C14orf39: variants seen among roughly 807,000 people sequenced by gnomAD.
C14orf39 encodes chromosome 14 open reading frame 39, also known as protein SIX6OS1.
C14orf39 carries 66 observed loss-of-function variants against 85.6 expected under a neutral mutation model. That is an observed-to-expected ratio of 0.77 (90% confidence interval 0.63 to 0.95). The LOEUF is 0.95. Ranked by LOEUF, C14orf39 falls within the 40% of genes least tolerant of loss-of-function variation. C14orf39 has a pLI of 0.00. For synonymous variants in C14orf39, 242 were observed against 214.0 expected (o/e 1.13, Z -1.14); for missense variants, 735 against 663.9 (o/e 1.11, Z -1.18).
intron 16 of C14orf39, among the ~76,000 whole-genome samples, chr14:60,443,408 C>A (rs2140025047): frequency 6.6e-6 from 1 of 152,310 alleles, no homozygotes; most frequent in Non-Finnish European, 1.5e-5. Context: ...GCCCAAGGAG[C>A]CTTGCTCACT....
At chr14:60,455,709 C>A (rs980178380) in intron 15 of C14orf39, among the ~76,000 whole-genome samples, 2 of 152,082 alleles carry the variant, frequency 1.3e-5, no homozygotes, top group Non-Finnish European at 2.9e-5. Context: ...GCTTAAATTT[C>A]TATTCTAATG....
In C14orf39 at chr14:60,496,171, C is replaced by T. The variant is rs1048379022; in HGVS notation, c.-9+3125G>A. 81 of 464,148 alleles carry T rather than the reference C, an allele frequency of 1.7e-4. 1 individual carries two copies. The highest frequency in any genetic ancestry group is 1.3e-3 in the African/African-American group (66 of 50,650). The allele number at this position is 464,148 out of a possible 1,614,324, so 28.8% of individuals were successfully genotyped here. On this transcript the variant is annotated intron_variant, in intron 2 of 5. Transcript: ENST00000556799. Reference sequence around the variant, plus strand: ...AAGTTCTATAGAGTATCACACTCCTCCCCTGATGTGAGTACAGGAGATTCA... The same window carrying T: ...AAGTTCTATAGAGTATCACACTCCTTCCCTGATGTGAGTACAGGAGATTCA...
chr14:60,487,626 T>G (rs544312123), upstream of C14orf39, among the ~76,000 whole-genome samples: 1 of 152,184 alleles, frequency 6.6e-6, no homozygotes, highest in Non-Finnish European at 1.5e-5. Flanking sequence ...AGTGATTTTA[T>G]ATTCTTTGGA....
Position 60,509,948 on chromosome 14 carries a change from C to G in C14orf39, c.-144+5447G>C, listed in dbSNP as rs769430744. 28 of 1,606,836 alleles carry G rather than the reference C, an allele frequency of 1.7e-5. No individual in the cohort carries two copies. The highest frequency in any genetic ancestry group is 1.6e-5 in the Non-Finnish European group (19 of 1,176,428). On this transcript the variant is annotated intron_variant, in intron 1 of 5. Transcript: ENST00000556799. ...GTTCAAAAACCGCCGACAAAGGGAC[C>G]GAGCGGCTGCAGCCAAGAACAGGTC...
At chr14:60,450,413 A>AG (rs1417520748) in intron 16 of C14orf39, among the ~76,000 whole-genome samples, 2 of 152,164 alleles carry the variant, frequency 1.3e-5, no homozygotes, top group Admixed American at 1.3e-4. Flanking sequence ...TGGGGGCCAC[A>AG]GGGAGAGGCT....
Position 60,491,453 on chromosome 14 carries a change from A to T in C14orf39, c.-8-6367T>A, listed in dbSNP as rs1892987103. ...GAATTGTGGAGGGACACAAACATTCAAACCACAGCACAAGCTCAAACACAG... is the reference window on the plus strand; with the variant it reads ...GAATTGTGGAGGGACACAAACATTCTAACCACAGCACAAGCTCAAACACAG... On this transcript the variant is annotated intron_variant, in intron 2 of 5. Transcript: ENST00000556799. This position sits in a 1 kb window ranked among gnomAD's most constrained non-coding sequence, Gnocchi z 4.5. 6.6e-6 allele frequency among the ~76,000 whole-genome samples: 1 copy of T among 152,190 alleles called. No homozygotes were observed. The highest frequency in any genetic ancestry group is 1.5e-5 in the Non-Finnish European group (1 of 68,038).
intron 3 of C14orf39, 100 bp from the exon 4 acceptor site, chr14:60,483,917 G>C: frequency 2.6e-6 from 2 of 756,964 alleles, no homozygotes; most frequent in Non-Finnish European, 4.1e-6. Context: ...CTAAAAGGAA[G>C]AGAGCCAGAG....
At chr14:60,459,994 T>C (rs1296245404) in intron 13 of C14orf39, among the ~76,000 whole-genome samples, 1 of 151,764 alleles carries the variant, frequency 6.6e-6, no homozygotes, top group African/African-American at 2.4e-5. Context: ...GATTGGACTT[T>C]TTAATGCTTG....
intron 5 of C14orf39, among the ~76,000 whole-genome samples, chr14:60,472,109 G>C (rs776885059): frequency 1.3e-5 from 2 of 151,948 alleles, no homozygotes; most frequent in Non-Finnish European, 2.9e-5. Context: ...ACTCCTTGTG[G>C]AACCTCTATC....
At chr14:60,481,761 TG>T (rs1483898391) in intron 4 of C14orf39, among the ~76,000 whole-genome samples, 1 of 152,194 alleles carries the variant, frequency 6.6e-6, no homozygotes, top group Non-Finnish European at 1.5e-5. Flanking sequence ...TTTTTCATTT[TG>T]GTATTTACCC....
At chr14:60,508,761 T>C (rs1893242363) in intron 1 of C14orf39, among the ~76,000 whole-genome samples, 1 of 152,192 alleles carries the variant, frequency 6.6e-6, no homozygotes, top group Non-Finnish European at 1.5e-5. Context: ...TCTCGGAGCA[T>C]TTCAGTTTGG....
chr14:60,448,145 T>C (rs947321973), intron 16 of C14orf39, among the ~76,000 whole-genome samples: 1 of 152,158 alleles, frequency 6.6e-6, no homozygotes, highest in Non-Finnish European at 1.5e-5. Context: ...GAGGACTTCA[T>C]GACCAAAACA....
At chr14:60,506,111 C>T (rs1157012544) in intron 1 of C14orf39, among the ~76,000 whole-genome samples, 1 of 152,114 alleles carries the variant, frequency 6.6e-6, no homozygotes, top group African/African-American at 2.4e-5. Flanking sequence ...GCTGAGTAGA[C>T]GTCTATGGAT....
At chr14:60,449,771 C>T (rs1379707668) in intron 16 of C14orf39, among the ~76,000 whole-genome samples, 3 of 152,120 alleles carry the variant, frequency 2.0e-5, no homozygotes, top group Admixed American at 2.0e-4. Flanking sequence ...TCTCTAGATT[C>T]TCAAAATGAA....
intron 2 of C14orf39, among the ~76,000 whole-genome samples, chr14:60,493,608 G>A (rs970004849): frequency 3.3e-5 from 5 of 152,130 alleles, no homozygotes; most frequent in African/African-American, 1.2e-4. Context: ...AATCTAGTCT[G>A]TATTTGTGTT....
intron 7 of C14orf39, among the ~76,000 whole-genome samples, chr14:60,470,645 G>C (rs1040505981): frequency 1.3e-5 from 2 of 151,730 alleles, no homozygotes; most frequent in Non-Finnish European, 2.9e-5. Context: ...AAGCGCAAAT[G>C]GGCAGCAAAT....
chr14:60,468,408 T>C (rs761759134), intron 9 of C14orf39, 37 bp downstream of exon 9: 23 of 1,287,850 alleles, frequency 1.8e-5, no homozygotes, highest in Admixed American at 8.4e-5. Context: ...GCAAAATATC[T>C]GTTCACATAA....
chr14:60,447,582 T>C (rs1201251615), intron 16 of C14orf39, among the ~76,000 whole-genome samples: 1 of 152,174 alleles, frequency 6.6e-6, no homozygotes. Flanking sequence ...TGCTCATGGA[T>C]AGAAAGACTC....
At chr14:60,438,349 C>T (rs1566651423) in intron 17 of C14orf39, among the ~76,000 whole-genome samples, 4 of 152,018 alleles carry the variant, frequency 2.6e-5, no homozygotes, top group African/African-American at 7.2e-5. Context: ...GTGTATTTCT[C>T]AGTACACAGC....
Sources: allele counts gnomAD v4.1 joint callset (sites outside exome capture counted in the v4.1 genomes callset), GRCh38; gene constraint gnomAD v4.1.1; non-coding constraint Gnocchi (gnomAD v3.1); transcripts MANE v1.5; gene names NCBI Gene and HGNC (gene_info 2026-07-23, HGNC 2026-07-21).